Variants in HERC4 observed in about 807,000 individuals in gnomAD.
HERC4 encodes the protein HECT and RLD domain containing E3 ubiquitin protein ligase 4, also known as probable E3 ubiquitin-protein ligase HERC4.
A neutral mutation model predicts 124.3 loss-of-function variants in HERC4; 28 were observed. The observed-to-expected ratio is 0.23, with a 90% CI of 0.17 to 0.31. The LOEUF (loss-of-function observed/expected upper bound fraction) is 0.31, where lower values mean the gene tolerates loss of function less well. Ranked by LOEUF, HERC4 falls within the 10% of genes least tolerant of loss-of-function variation. The pLI, the probability that HERC4 is intolerant of heterozygous loss-of-function variation, is 1.00. For missense variants in HERC4, 713 were observed against 1,229.3 expected (o/e 0.58, Z 6.28); for synonymous variants, 407 against 421.5 (o/e 0.97, Z 0.42).
intron 13 of HERC4, 31 bp from the exon 14 acceptor site, chr10:67,990,431 C>G: frequency 1.1e-6 from 1 of 881,300 alleles, no homozygotes; most frequent in South Asian, 2.8e-5. Context: ...AAACCTACTT[C>G]ATTTAAAATG....
chr10:67,959,999 AC>A (rs2034401746), intron 16 of HERC4, among the ~76,000 whole-genome samples: 2 of 152,184 alleles, frequency 1.3e-5, no homozygotes, highest in African/African-American at 4.8e-5. Flanking sequence ...TGACCTATAG[AC>A]CTGTGCAATA....
At chr10:68,059,158 G>A (rs1328835610) in intron 3 of HERC4, among the ~76,000 whole-genome samples, 4 of 151,862 alleles carry the variant, frequency 2.6e-5, no homozygotes, top group African/African-American at 7.3e-5. Context: ...GTATTACTGT[G>A]TTTTTAGAAT....
At chr10:68,012,637 A>G (rs145664432) in intron 9 of HERC4, among the ~76,000 whole-genome samples, 65 of 152,316 alleles carry the variant, frequency 4.3e-4, no homozygotes, top group Non-Finnish European at 6.2e-4. Flanking sequence ...ACCACTGATC[A>G]CAGATCACCA....
At chr10:68,065,863 C>T (rs1056951030) in intron 3 of HERC4, among the ~76,000 whole-genome samples, 2 of 151,902 alleles carry the variant, frequency 1.3e-5, no homozygotes, top group African/African-American at 4.8e-5. Context: ...AAAAACAAAA[C>T]AAAACTCCAA....
intron 23 of HERC4, among the ~76,000 whole-genome samples, chr10:67,930,546 T>C (rs1444362411): frequency 6.6e-6 from 1 of 152,226 alleles, no homozygotes; most frequent in African/African-American, 2.4e-5. Flanking sequence ...CATATAAATG[T>C]TCCTGATGCT....
At chr10:68,070,535 G>C (rs2041519764) in intron 3 of HERC4, 1 of 157,006 alleles carries the variant, frequency 6.4e-6, no homozygotes, top group Non-Finnish European at 1.4e-5. Context: ...GAACCTGGGA[G>C]GCAGAGGTTG....
chr10:68,050,180 G>C (rs1210002026), intron 3 of HERC4, among the ~76,000 whole-genome samples: 1 of 152,182 alleles, frequency 6.6e-6, no homozygotes, highest in East Asian at 1.9e-4. Flanking sequence ...CAACCAAAGT[G>C]AGACCCTTTC....
chr10:68,038,517 A>G (rs1484894434), intron 4 of HERC4, among the ~76,000 whole-genome samples: 1 of 152,220 alleles, frequency 6.6e-6, no homozygotes, highest in South Asian at 2.1e-4. Context: ...TTACAGTTAG[A>G]AACTTGGCAA....
rs761289844 is a variant in HERC4 at position 67,990,335 on chromosome 10, T to C, written c.1509A>G (p.Ala503=). The change falls in exon 14 of 25, where the codon GCA becomes GCG. Residue 503 remains alanine (A), a synonymous_variant. Coordinates refer to ENST00000373700, the MANE Select transcript of HERC4 (RefSeq NM_015601.4). Reference sequence around the variant, plus strand: ...CTGGTAGAGTAAGATAAAACCTCAATGCTTCAACATCAGGTAAGGAGCTAG... The same window carrying C: ...CTGGTAGAGTAAGATAAAACCTCAACGCTTCAACATCAGGTAAGGAGCTAG... ...KLTSSLPDVE[A]LRFYLTLPEC... is the part of the protein sequence containing the mutation. 3.1e-6 allele frequency: 5 copies of C among 1,612,314 alleles called. No individual in the cohort carries two copies. The highest frequency in any genetic ancestry group is 1.1e-5 in the South Asian group (1 of 90,724).
At chr10:68,021,350 T>C (rs752186130) in intron 8 of HERC4, among the ~76,000 whole-genome samples, 4 of 152,200 alleles carry the variant, frequency 2.6e-5, no homozygotes, top group Non-Finnish European at 5.9e-5. Context: ...ATCAATGTAA[T>C]ATATCAAATT....
intron 7 of HERC4, among the ~76,000 whole-genome samples, chr10:68,031,587 A>C (rs1055063490): frequency 6.6e-6 from 1 of 152,164 alleles, no homozygotes; most frequent in Non-Finnish European, 1.5e-5. Flanking sequence ...CCTTACTAAA[A>C]GGCAAGTACT....
chr10:67,935,027 T>G (rs887418051), intron 22 of HERC4, among the ~76,000 whole-genome samples: 5 of 151,992 alleles, frequency 3.3e-5, no homozygotes, highest in African/African-American at 9.7e-5. Flanking sequence ...CTGAGGATAC[T>G]GATTTCGGTT....
chr10:67,981,425 A>C (rs1211505002), intron 15 of HERC4, among the ~76,000 whole-genome samples: 1 of 152,238 alleles, frequency 6.6e-6, no homozygotes, highest in Non-Finnish European at 1.5e-5. Flanking sequence ...AGACCTCAGT[A>C]CAGTAATAGA....
At chr10:68,054,055 T>C (rs1358391383) in intron 3 of HERC4, among the ~76,000 whole-genome samples, 2 of 152,328 alleles carry the variant, frequency 1.3e-5, no homozygotes, top group Admixed American at 6.5e-5. Flanking sequence ...CCATGCCTCA[T>C]TAGTTGTTAA....
At chr10:67,927,410 ATATATATATATATATATATATT>A (rs1336990182) in intron 23 of HERC4, among the ~76,000 whole-genome samples, 166 of 9,452 alleles carry the variant, frequency 0.018, 9 homozygotes, top group African/African-American at 0.048. Context: ...ATATATATAT[ATATATATATATATATATATATT>A]TTTTTTTTTT....
At chr10:67,929,776 A>G (rs1245527041) in intron 23 of HERC4, among the ~76,000 whole-genome samples, 1 of 151,666 alleles carries the variant, frequency 6.6e-6, no homozygotes, top group African/African-American at 2.4e-5. Context: ...CAGCCTCCCA[A>G]AGTGCCAGGA....
intron 12 of HERC4, 48 bp downstream of exon 12, chr10:67,991,092 A>G: frequency 7.1e-7 from 1 of 1,412,754 alleles, no homozygotes; most frequent in Non-Finnish European, 9.5e-7. Context: ...TATACTATTT[A>G]AGACAATAAA....
intron 8 of HERC4, among the ~76,000 whole-genome samples, chr10:68,014,716 C>T (rs2038157921): frequency 6.6e-6 from 1 of 152,144 alleles, no homozygotes; most frequent in African/African-American, 2.4e-5. Flanking sequence ...ACCAAAACTC[C>T]TCTGGAGGTA....
chr10:68,067,678 G>A (rs552357759), intron 3 of HERC4: 41 of 152,298 alleles, frequency 2.7e-4, no homozygotes, highest in African/African-American at 9.9e-4. Flanking sequence ...GGCAAGCCAA[G>A]TAATCACTAC....
Sources: gnomAD v4.1 joint callset for allele counts (sites outside exome capture counted in the v4.1 genomes callset) on GRCh38, gnomAD v4.1.1 for gene constraint, MANE v1.5 for transcripts, NCBI Gene and HGNC (gene_info 2026-07-23, HGNC 2026-07-21) for gene names.